CDH12: variants seen among roughly 807,000 people sequenced by gnomAD.
CDH12 encodes cadherin 12, also known as cadherin-12.
Under a neutral mutation model 74.1 loss-of-function variants are expected in CDH12, and 41 were observed. That is an observed-to-expected ratio of 0.55 (90% CI 0.43 to 0.72). The LOEUF is 0.72. Ranked by LOEUF, CDH12 falls within the 30% of genes least tolerant of loss-of-function variation. The pLI, the probability that CDH12 is intolerant of heterozygous loss-of-function variation, is 0.00. For synonymous variants in CDH12, 399 were observed against 355.0 expected (o/e 1.12, Z -1.39); for missense variants, 945 against 977.2 (o/e 0.97, Z 0.44).
intron 5 of CDH12, among the ~76,000 whole-genome samples, chr5:22,068,560 G>A (rs1741722282): frequency 6.6e-6 from 1 of 152,200 alleles, no homozygotes; most frequent in African/African-American, 2.4e-5. Context: ...CTGTGGCCAA[G>A]GAGTTGGCTG....
In CDH12 at chr5:21,784,746, C is replaced by T. The variant is rs942685041; in HGVS notation, c.1257-1252G>A. Among the ~76,000 whole-genome samples the T allele has an allele frequency of 2.0e-5, 3 of 152,192 alleles. No homozygotes were observed. In the East Asian group the frequency reaches 5.8e-4, roughly 29 times the overall value. On this transcript the variant is annotated intron_variant, in intron 10 of 14. Coordinates refer to ENST00000382254, the MANE Select transcript of CDH12 (RefSeq NM_004061.5). ...TGTTCATTGTGAAAAGTCAGTAAAG[C>T]GATGTGTATCTCAACATAAAAAACT...
intron 1 of CDH12, among the ~76,000 whole-genome samples, chr5:22,512,938 C>T (rs963070158): frequency 6.6e-5 from 10 of 151,940 alleles, no homozygotes; most frequent in African/African-American, 1.7e-4. Context: ...TGGCAGGTGC[C>T]GGTAACCCAG....
intron 5 of CDH12, among the ~76,000 whole-genome samples, chr5:21,989,018 T>C (rs1482262088): frequency 6.6e-6 from 1 of 152,138 alleles, no homozygotes; most frequent in Non-Finnish European, 1.5e-5. Context: ...GTTCATGGAT[T>C]GGACGTTATA....
At chr5:22,038,496 G>A (rs143463545) in intron 5 of CDH12, among the ~76,000 whole-genome samples, 13 of 152,230 alleles carry the variant, frequency 8.5e-5, no homozygotes, top group East Asian at 5.8e-4. Flanking sequence ...CCAAAGAAAC[G>A]GTGCCATGGT....
intron 1 of CDH12, among the ~76,000 whole-genome samples, chr5:22,530,929 A>G (rs539825218): frequency 3.9e-5 from 6 of 152,140 alleles, no homozygotes; most frequent in African/African-American, 1.4e-4. Flanking sequence ...TTGCTGAACA[A>G]GGACTATCAA....
intron 1 of CDH12, among the ~76,000 whole-genome samples, chr5:22,535,358 G>A (rs886786659): frequency 2.0e-5 from 3 of 151,632 alleles, no homozygotes; most frequent in Non-Finnish European, 2.9e-5. Context: ...GGGTTTCACC[G>A]TGTTAGCCAG....
At chr5:22,623,291 C>T (rs1738079487) in intron 1 of CDH12, among the ~76,000 whole-genome samples, 1 of 152,182 alleles carries the variant, frequency 6.6e-6, no homozygotes, top group Non-Finnish European at 1.5e-5. Flanking sequence ...TCCTATTCAA[C>T]ATAGTGTTGC....
At chr5:21,866,512 TTGGCTGTATTTTTCCCG>T (rs1467227710) in intron 6 of CDH12, among the ~76,000 whole-genome samples, 3 of 152,134 alleles carry the variant, frequency 2.0e-5, no homozygotes, top group Non-Finnish European at 4.4e-5. Context: ...AGTAAAGAGA[TTGGCTGTATTTTTCCCG>T]TGGCCTAGAG....
chr5:22,517,352 G>A (rs1268793034), intron 1 of CDH12, among the ~76,000 whole-genome samples: 4 of 151,786 alleles, frequency 2.6e-5, no homozygotes, highest in South Asian at 2.1e-4. Context: ...AAATTTAGTC[G>A]TTTAAAAAAT....
chr5:22,699,132 C>T (rs568604310), intron 1 of CDH12, among the ~76,000 whole-genome samples: 29 of 152,166 alleles, frequency 1.9e-4, no homozygotes, highest in African/African-American at 5.3e-4. Flanking sequence ...TGTAACCAAA[C>T]GAGATGATTC....
chr5:21,927,308 G>C (rs374576137), intron 6 of CDH12, among the ~76,000 whole-genome samples: 1 of 152,052 alleles, frequency 6.6e-6, no homozygotes, highest in African/African-American at 2.4e-5. Flanking sequence ...AAATCAGGCC[G>C]GGCACGGTGG....
In CDH12 at chr5:21,751,710, G is replaced by A. The variant is rs1243201696; in HGVS notation, c.*27C>T. On this transcript the variant is annotated 3_prime_UTR_variant, in exon 15 of 15. Transcript: ENST00000382254. ...TTCTTTTTTAAAAATCTCCCCTCTCGGTTGTATTTTAGCCTCCACGACTCC... is the reference window on the plus strand; with the variant it reads ...TTCTTTTTTAAAAATCTCCCCTCTCAGTTGTATTTTAGCCTCCACGACTCC... The A allele has an allele frequency of 2.6e-6, 4 of 1,562,388 alleles. No individual in the cohort carries two copies. Among genetic ancestry groups the A allele is most frequent in the East Asian group, 2.3e-5 (1 of 44,364 alleles).
At chr5:22,747,346 A>T (rs1745341716) in intron 1 of CDH12, among the ~76,000 whole-genome samples, 2 of 151,882 alleles carry the variant, frequency 1.3e-5, no homozygotes, top group Non-Finnish European at 2.9e-5. Flanking sequence ...GTAAAAGACC[A>T]GGTGTAGTGG....
chr5:22,255,716 A>G (rs1753286675), intron 3 of CDH12, among the ~76,000 whole-genome samples: 1 of 151,924 alleles, frequency 6.6e-6, no homozygotes, highest in Non-Finnish European at 1.5e-5. Flanking sequence ...ATATGAATAT[A>G]TAATGAAACT....
At chr5:22,478,258 T>A (rs1034377936) in intron 2 of CDH12, among the ~76,000 whole-genome samples, 1 of 151,096 alleles carries the variant, frequency 6.6e-6, no homozygotes, top group Admixed American at 6.6e-5. Context: ...CTCTACTAAA[T>A]ATACAAAAAA....
chr5:22,263,018 G>T (rs1278617962), intron 3 of CDH12, among the ~76,000 whole-genome samples: 1 of 151,736 alleles, frequency 6.6e-6, no homozygotes, highest in Non-Finnish European at 1.5e-5. Flanking sequence ...CCATCAAAAA[G>T]TGGGCGAAGG....
chr5:22,820,654 G>C (rs192318229), intron 1 of CDH12, among the ~76,000 whole-genome samples: 181 of 152,150 alleles, frequency 1.2e-3, no homozygotes, highest in East Asian at 3.9e-3. Flanking sequence ...TAAATTCCTC[G>C]ACACATACAT....
At chr5:22,122,029 A>T (rs1254058224) in intron 4 of CDH12, among the ~76,000 whole-genome samples, 1 of 148,164 alleles carries the variant, frequency 6.7e-6, no homozygotes, top group East Asian at 1.9e-4. Flanking sequence ...GGCAGCAATT[A>T]AAAAAAAAAT....
chr5:21,843,748 A>T (rs1031968030), intron 7 of CDH12, among the ~76,000 whole-genome samples: 1 of 152,084 alleles, frequency 6.6e-6, no homozygotes, highest in African/African-American at 2.4e-5. Context: ...TCTTCAGCTC[A>T]GGCTCCTGAA....
Sources: gnomAD v4.1 joint callset for allele counts (sites outside exome capture counted in the v4.1 genomes callset) on GRCh38, gnomAD v4.1.1 for gene constraint, MANE v1.5 for transcripts, NCBI Gene and HGNC (gene_info 2026-07-23, HGNC 2026-07-21) for gene names.